Variants in DMD observed in about 807,000 individuals in gnomAD.
DMD encodes dystrophin.
In DMD, 63 loss-of-function variants were observed where a neutral mutation model predicts 330.1. That is an observed-to-expected ratio of 0.19 (90% CI 0.16 to 0.24). DMD has a LOEUF of 0.24. Among genes scored for constraint, DMD ranks in the 10% least tolerant of loss-of-function variants. The probability of loss-of-function intolerance (pLI) is 1.00; values close to 1 mark genes in which losing one functional copy is unlikely to be tolerated. For synonymous variants in DMD, 1,223 were observed against 959.8 expected, an observed-to-expected ratio of 1.27 and a Z score of -5.07; for missense variants, 3,344 against 2,684.1, an observed-to-expected ratio of 1.25 and a Z score of -5.43.
At chrX:33,062,633 C>T (rs777665093) in intron 1 of DMD, among the ~76,000 whole-genome samples, 1 of 110,935 alleles carries the variant, frequency 9.0e-6, no homozygotes, top group Admixed American at 9.6e-5. Flanking sequence ...TGCGCCACTA[C>T]GCCTGGCTGG....
At chrX:32,630,320 G>T (rs2058645492) in intron 11 of DMD, among the ~76,000 whole-genome samples, 1 of 110,455 alleles carries the variant, frequency 9.1e-6, no homozygotes, top group Non-Finnish European at 1.9e-5. Flanking sequence ...CTATTTCTAT[G>T]TGATTTTTTT....
At chrX:31,717,865 G>GCCTTT (rs1452206508) in intron 52 of DMD, among the ~76,000 whole-genome samples, 1 of 112,036 alleles carries the variant, frequency 8.9e-6, no homozygotes, top group Non-Finnish European at 1.9e-5. Flanking sequence ...AGGACTCCCT[G>GCCTTT]CCTTTCCTTT....
intron 48 of DMD, among the ~76,000 whole-genome samples, chrX:31,871,211 C>T (rs2093885005): frequency 9.0e-6 from 1 of 110,975 alleles, no homozygotes; most frequent in Non-Finnish European, 1.9e-5. Context: ...CTCTACATCA[C>T]GATCTCATTG....
chrX:32,807,122 T>TAAAAAA (rs999286386), intron 7 of DMD, among the ~76,000 whole-genome samples: 32 of 20,729 alleles, frequency 1.5e-3, no homozygotes, highest in Non-Finnish European at 1.9e-3. Context: ...CGGAAACATT[T>TAAAAAA]AAAAAAAAAA....
At chrX:33,185,654 G>A (rs952888902) in intron 1 of DMD, among the ~76,000 whole-genome samples, 1 of 111,262 alleles carries the variant, frequency 9.0e-6, no homozygotes, top group Non-Finnish European at 1.9e-5. Flanking sequence ...CACCTGGATA[G>A]CCCATCAACA....
At chrX:33,180,540 G>A (rs1000694694) in intron 1 of DMD, among the ~76,000 whole-genome samples, 3 of 111,115 alleles carry the variant, frequency 2.7e-5, no homozygotes, top group Non-Finnish European at 5.7e-5. Context: ...TGTTTGTCTT[G>A]TTGTATCTCT....
chrX:32,930,165 A>C (rs989451115), intron 2 of DMD, among the ~76,000 whole-genome samples: 6 of 111,355 alleles, frequency 5.4e-5, no homozygotes, highest in Non-Finnish European at 7.5e-5. Flanking sequence ...ATTTTATAAT[A>C]AAATGTTGAA....
intron 29 of DMD, among the ~76,000 whole-genome samples, chrX:32,424,286 C>T (rs1486160639): frequency 9.0e-6 from 1 of 110,531 alleles, no homozygotes; most frequent in African/African-American, 3.3e-5. Context: ...ATCCTTTTTA[C>T]TACTTAAGGA....
chrX:32,954,368 C>T (rs1335546381), intron 2 of DMD, among the ~76,000 whole-genome samples: 1 of 111,913 alleles, frequency 8.9e-6, no homozygotes, highest in Non-Finnish European at 1.9e-5. Context: ...AGCTATTCAG[C>T]TAAAGGAATG....
intron 1 of DMD, among the ~76,000 whole-genome samples, chrX:33,105,149 A>G (rs5972752): frequency 0.36 from 40,104 of 110,639 alleles, 5,558 homozygotes; most frequent in East Asian, 0.84. Flanking sequence ...TTTACCTTCA[A>G]CAAAGCATAC....
At chrX:31,409,109 A>G (rs1360416598) in intron 60 of DMD, among the ~76,000 whole-genome samples, 1 of 111,826 alleles carries the variant, frequency 8.9e-6, no homozygotes. Flanking sequence ...TACAAAGGAC[A>G]TGAATTCATC....
intron 2 of DMD, among the ~76,000 whole-genome samples, chrX:32,894,566 C>G (rs1202528212): frequency 8.9e-6 from 1 of 112,501 alleles, no homozygotes; most frequent in Non-Finnish European, 1.9e-5. Context: ...TCATCCAACC[C>G]AAAACTCGGG....
chrX:31,152,184 C>CTTTTT lies in DMD; in HGVS notation c.10554-4671_10554-4667dup, dbSNP rs1161340463. Among the ~76,000 whole-genome samples, 450 of 98,362 alleles carry CTTTTT rather than the reference C, an allele frequency of 4.6e-3. 5 individuals carry two copies. The highest frequency in any genetic ancestry group is 0.017 in the African/African-American group (426 of 25,728). The allele number at this position is 98,362 out of a possible 115,157, so 85.4% of individuals were successfully genotyped here. On this transcript the variant is annotated intron_variant, in intron 74 of 78. Transcript: ENST00000357033. ...ACCCCTTATTTATGCCTTTAAGCAT[C>CTTTTT]TTTTTTTTTTTTTTTGAGATGGAGG...
chrX:32,136,631 C>A (rs1242557063), intron 44 of DMD, among the ~76,000 whole-genome samples: 4 of 112,002 alleles, frequency 3.6e-5, no homozygotes, highest in African/African-American at 1.3e-4. Flanking sequence ...CGTGGCACAG[C>A]CTAGTTCCTT....
chrX:32,465,099 C>T (rs1264793650), intron 23 of DMD, among the ~76,000 whole-genome samples: 1 of 111,806 alleles, frequency 8.9e-6, no homozygotes, highest in Admixed American at 9.5e-5. Flanking sequence ...CCTCCCTAAA[C>T]CCGAACTTTC....
At chrX:32,620,169 T>C (rs1007187709) in intron 11 of DMD, among the ~76,000 whole-genome samples, 2 of 111,815 alleles carry the variant, frequency 1.8e-5, no homozygotes, top group African/African-American at 3.2e-5. Flanking sequence ...TTAGTATAAG[T>C]GTATTTAAAA....
chrX:31,478,016 C>T (rs2067930736), intron 59 of DMD, 90 bp downstream of exon 59: 2 of 1,039,220 alleles, frequency 1.9e-6, no homozygotes, highest in Admixed American at 2.5e-5. Flanking sequence ...CTAGCTTTAA[C>T]TTTGTGGGAA....
chrX:32,605,728 G>T (rs1164715894), intron 12 of DMD, among the ~76,000 whole-genome samples: 1 of 110,611 alleles, frequency 9.0e-6, no homozygotes, highest in East Asian at 2.8e-4. Flanking sequence ...TAAAAAGTAG[G>T]CAAAGGACAT....
At chrX:32,695,157 C>T (rs768697701) in intron 9 of DMD, among the ~76,000 whole-genome samples, 16 of 112,127 alleles carry the variant, frequency 1.4e-4, no homozygotes, top group African/African-American at 4.2e-4. Context: ...GTGTGCGTAA[C>T]GCAATATATA....
Sources: allele counts gnomAD v4.1 joint callset (sites outside exome capture counted in the v4.1 genomes callset), GRCh38; gene constraint gnomAD v4.1.1; transcripts MANE v1.5; gene names NCBI Gene and HGNC (gene_info 2026-07-23, HGNC 2026-07-21).